ADAM23: variants seen among roughly 807,000 people sequenced by gnomAD.
ADAM23 encodes ADAM metallopeptidase domain 23.
A neutral mutation model predicts 120.1 loss-of-function variants in ADAM23; 33 were observed. The ratio of observed to expected loss-of-function variants is 0.27; its 90% CI spans 0.21 to 0.37. The LOEUF (loss-of-function observed/expected upper bound fraction) is 0.37. Ranked by LOEUF, ADAM23 falls within the 10% of genes least tolerant of loss-of-function variation. ADAM23 has a pLI of 1.00. For synonymous variants in ADAM23, 367 were observed against 375.2 expected, an observed-to-expected ratio of 0.98 and a Z score of 0.25; for missense variants, 862 against 1,058.2, an observed-to-expected ratio of 0.81 and a Z score of 2.57.
intron 12 of ADAM23, 109 bp downstream of exon 12, chr2:206,561,321 A>G (rs2105822520): frequency 1.1e-6 from 1 of 900,418 alleles, no homozygotes; most frequent in Non-Finnish European, 1.8e-6. Flanking sequence ...TGGCAAATGT[A>G]GCATGAGTGG....
At chr2:206,608,780 G>GT (rs1455177298) in intron 24 of ADAM23, among the ~76,000 whole-genome samples, 1 of 152,140 alleles carries the variant, frequency 6.6e-6, no homozygotes, top group African/African-American at 2.4e-5. Context: ...GCTGCCAAAA[G>GT]TGGCATCCAT....
chr2:206,593,923 G>A (rs558529722), intron 22 of ADAM23, among the ~76,000 whole-genome samples: 1 of 151,266 alleles, frequency 6.6e-6, no homozygotes, highest in Admixed American at 6.6e-5. Context: ...TTTACACAAT[G>A]GTAAGTACTT....
intron 3 of ADAM23, among the ~76,000 whole-genome samples, chr2:206,508,214 A>T (rs1204439073): frequency 6.6e-6 from 1 of 152,076 alleles, no homozygotes; most frequent in African/African-American, 2.4e-5. Flanking sequence ...TATTTTTAGT[A>T]GAGACGGGGT....
At chr2:206,573,999 C>T (rs1390724251) in intron 18 of ADAM23, among the ~76,000 whole-genome samples, 1 of 151,900 alleles carries the variant, frequency 6.6e-6, no homozygotes, top group Non-Finnish European at 1.5e-5. Context: ...AAAGTAATTG[C>T]GGTTTTTGCC....
At position 206,445,517 on chromosome 2, in the gene ADAM23, A is replaced by G. The variant is rs1027191729; in HGVS notation, c.425A>G (p.His142Arg). 1 of 1,612,874 alleles carries G rather than the reference A, an allele frequency of 6.2e-7. No individual in the cohort carries two copies. The highest frequency in any genetic ancestry group is 8.5e-7 in the Non-Finnish European group (1 of 1,179,500). The change falls in exon 2 of 26, where the codon CAT becomes CGT. Residue 142 changes from histidine to arginine, a missense_variant. By Grantham distance (29) the His-to-Arg change is conservative (BLOSUM62 0). Coordinates refer to ENST00000264377, the MANE Select transcript of ADAM23 (RefSeq NM_003812.4). ...ACAAAGGCAAGACACCAGCAAAAAC[A>G]TAATAAGGTAGGCAGGAGGCTGGCT... ...LDTKARHQQK[H>R]NKAVHLAQAS...
chr2:206,481,574 A>C (rs1054903575), intron 3 of ADAM23, among the ~76,000 whole-genome samples: 1 of 152,210 alleles, frequency 6.6e-6, no homozygotes, highest in Admixed American at 6.6e-5. Context: ...CAGTTAATTA[A>C]ATGTTAATTA....
chr2:206,577,794 G>A (rs879536903), intron 18 of ADAM23, among the ~76,000 whole-genome samples: 7 of 151,704 alleles, frequency 4.6e-5, no homozygotes, highest in Non-Finnish European at 8.8e-5. Flanking sequence ...GGGATGGCTT[G>A]GTCAAATGGT....
chr2:206,544,020 G>A (rs1163559298), intron 6 of ADAM23, among the ~76,000 whole-genome samples: 1 of 152,082 alleles, frequency 6.6e-6, no homozygotes, highest in African/African-American at 2.4e-5. Flanking sequence ...TGGGTACAGT[G>A]TACACTACTT....
At chr2:206,486,839 G>A (rs1034898075) in intron 3 of ADAM23, among the ~76,000 whole-genome samples, 5 of 152,016 alleles carry the variant, frequency 3.3e-5, no homozygotes, top group South Asian at 2.1e-4. Context: ...ATTCTAGAAC[G>A]TTTTCATCAT....
intron 6 of ADAM23, 115 bp downstream of exon 6, chr2:206,543,431 T>G: frequency 2.3e-6 from 2 of 867,542 alleles, no homozygotes; most frequent in Non-Finnish European, 3.6e-6. Flanking sequence ...TGTTAACTTA[T>G]TTCAAACTTA....
At chr2:206,451,900 C>T (rs1462472655) in intron 2 of ADAM23, among the ~76,000 whole-genome samples, 4 of 152,164 alleles carry the variant, frequency 2.6e-5, no homozygotes, top group African/African-American at 4.8e-5. Context: ...GGCTCCCCAG[C>T]GAGCTTTACT....
chr2:206,445,321 G>T lies in ADAM23; in HGVS notation c.229G>T (p.Glu77Ter), dbSNP rs1695058228. Residue 77 changes from glutamate (E) to a stop codon, truncating the protein, a stop_gained, in exon 2 of 26, where the codon GAA becomes TAA. Coordinates refer to ENST00000264377, the MANE Select transcript of ADAM23 (RefSeq NM_003812.4). LOFTEE classifies it high-confidence loss of function. Reference protein sequence around the residue: ...AAAPSAPHWNETAEKNLGVLA... With the variant: ...AAAPSAPHWN ...ACCTCCACCAGCTCCGCATTGGAAT[G>T]AAACTGCAGAAAAAAATTTGGGAGT... The T allele has an allele frequency of 6.2e-7, 1 of 1,613,858 alleles. No homozygotes were observed. Among genetic ancestry groups the T allele is most frequent in the Non-Finnish European group, 8.5e-7 (1 of 1,179,898 alleles).
chr2:206,616,573 T>C (rs1698938618), intron 25 of ADAM23, among the ~76,000 whole-genome samples: 1 of 152,182 alleles, frequency 6.6e-6, no homozygotes, highest in Non-Finnish European at 1.5e-5. Context: ...ATTGTTTTTA[T>C]TTTGAATTAC....
intron 3 of ADAM23, among the ~76,000 whole-genome samples, chr2:206,526,825 C>A (rs1338308553): frequency 6.6e-6 from 1 of 152,210 alleles, no homozygotes; most frequent in East Asian, 1.9e-4. Flanking sequence ...GTTTTATATT[C>A]TCCTGCTCTT....
intron 4 of ADAM23, among the ~76,000 whole-genome samples, chr2:206,533,850 A>G (rs947137631): frequency 2.6e-5 from 4 of 152,236 alleles, no homozygotes; most frequent in Non-Finnish European, 5.9e-5. Context: ...AGCGTGTAAT[A>G]TGAATGCTAG....
Position 206,500,784 on chromosome 2 carries a change from G to A in ADAM23, c.509+19476G>A, listed in dbSNP as rs143476075. Among the ~76,000 whole-genome samples, 179 of 152,256 alleles carry A rather than the reference G, an allele frequency of 1.2e-3. 5 individuals carry two copies. In the East Asian group the frequency reaches 0.032, roughly 27 times the overall value. ...TTTCCTGCCAGCATTTTTATCCACC[G>A]TTGATGAATCACCCTCTCTCATCTG... On this transcript the variant is annotated intron_variant, in intron 3 of 25. Transcript: ENST00000264377.
chr2:206,477,897 A>AAAT (rs374524658), intron 2 of ADAM23, among the ~76,000 whole-genome samples: 174 of 93,566 alleles, frequency 1.9e-3, no homozygotes, highest in Middle Eastern at 6.0e-3. Flanking sequence ...AAAAAAAAAA[A>AAAT]ATATATATAT....
intron 20 of ADAM23, among the ~76,000 whole-genome samples, chr2:206,588,440 A>G (rs781055104): frequency 1.3e-5 from 2 of 152,242 alleles, no homozygotes; most frequent in Non-Finnish European, 2.9e-5. Flanking sequence ...CAGTGTGATT[A>G]TCCAGCCACT....
chr2:206,444,294 C>G (rs1025936966), intron 1 of ADAM23, among the ~76,000 whole-genome samples: 5 of 152,236 alleles, frequency 3.3e-5, no homozygotes, highest in Admixed American at 6.5e-5. Flanking sequence ...AAAACCCATT[C>G]CAATTCTTGT....
Sources: gnomAD v4.1 joint callset for allele counts (sites outside exome capture counted in the v4.1 genomes callset) on GRCh38, gnomAD v4.1.1 for gene constraint, MANE v1.5 for transcripts, NCBI Gene and HGNC (gene_info 2026-07-23, HGNC 2026-07-21) for gene names.